The following ACSF2 variants were observed in gnomAD, a reference collection of about 807,000 sequenced individuals.
ACSF2 encodes medium-chain acyl-CoA ligase ACSF2, mitochondrial.
ACSF2 carries 52 observed loss-of-function variants against 79.3 expected under a neutral mutation model. That is an observed-to-expected ratio of 0.66 (90% CI 0.53 to 0.83). ACSF2 has a LOEUF of 0.83. Among genes scored for constraint, ACSF2 ranks in the 40% least tolerant of loss-of-function variants. The pLI is 0.00. For synonymous variants in ACSF2, 283 were observed against 312.6 expected (o/e 0.91, Z 1.00); for missense variants, 661 against 803.3 (o/e 0.82, Z 2.14).
chr17:50,445,733 C>G (rs1219774708), intron 1 of ACSF2, among the ~76,000 whole-genome samples: 1 of 151,228 alleles, frequency 6.6e-6, no homozygotes, highest in African/African-American at 2.4e-5. Flanking sequence ...ATTGGGAGGT[C>G]AAGTCTGCAG....
chr17:50,461,943 T>C (rs1308710246), intron 4 of ACSF2, among the ~76,000 whole-genome samples: 1 of 150,940 alleles, frequency 6.6e-6, no homozygotes, highest in Non-Finnish European at 1.5e-5. Context: ...TGTGTGTGTG[T>C]GTGTGTGTGC....
chr17:50,442,711 T>C (rs1217839279), intron 1 of ACSF2, among the ~76,000 whole-genome samples: 9 of 152,200 alleles, frequency 5.9e-5, no homozygotes, highest in Non-Finnish European at 1.2e-4. Flanking sequence ...GCGATTTTCC[T>C]GCCTTGGCAT....
intron 10 of ACSF2, among the ~76,000 whole-genome samples, chr17:50,466,030 AT>A: frequency 6.8e-6 from 1 of 147,396 alleles, no homozygotes; most frequent in East Asian, 2.0e-4. Flanking sequence ...ATCTCAGATA[AT>A]CCAATCTACA....
intron 11 of ACSF2, 121 bp from the exon 12 acceptor site, chr17:50,472,307 G>C: frequency 8.4e-7 from 1 of 1,187,824 alleles, no homozygotes. Context: ...GAGCCAGGGG[G>C]CCTCATTCCA....
intron 1 of ACSF2, among the ~76,000 whole-genome samples, chr17:50,459,879 G>A (rs1043585259): frequency 1.3e-5 from 2 of 152,180 alleles, no homozygotes; most frequent in Non-Finnish European, 2.9e-5. Flanking sequence ...CCCCAGCTCA[G>A]TACTCTCAGG....
chr17:50,449,160 G>A (rs1200817619), intron 1 of ACSF2, among the ~76,000 whole-genome samples: 1 of 151,564 alleles, frequency 6.6e-6, no homozygotes, highest in Non-Finnish European at 1.5e-5. Flanking sequence ...GGGACTACAG[G>A]CGCCCACCAC....
chr17:50,451,194 T>C (rs1299711548), intron 1 of ACSF2, among the ~76,000 whole-genome samples: 2 of 152,276 alleles, frequency 1.3e-5, no homozygotes, highest in Non-Finnish European at 2.9e-5. Flanking sequence ...CCACCTTGGC[T>C]CAGAGAGTAC....
intron 2 of ACSF2, 108 bp downstream of exon 2, chr17:50,460,980 G>A: frequency 7.5e-7 from 1 of 1,332,668 alleles, no homozygotes; most frequent in South Asian, 1.4e-5. Context: ...AATGTGCTAG[G>A]GCTGCCAGAG....
Position 50,426,359 on chromosome 17 carries a change from A to T in ACSF2, c.98A>T (p.Glu33Val). ...ARAALSRSWQ[E>V]ARLQGVRFLS... ...GCCGCCCTCTCTCGGAGTTGGCAGGAAGCCAGGTTGCAGGGTGTCCGCTTC... is the reference window on the plus strand; with the variant it reads ...GCCGCCCTCTCTCGGAGTTGGCAGGTAGCCAGGTTGCAGGGTGTCCGCTTC... The change falls in exon 1 of 16, where the codon GAA (glutamate) becomes GTA (valine). Residue 33 changes from glutamate to valine, a missense_variant. By Grantham distance (121) the Glu-to-Val change is moderately radical (BLOSUM62 -2). Transcript: ENST00000300441. 7.1e-7 allele frequency: 1 copy of T among 1,418,364 alleles called. No individual in the cohort carries two copies. Among genetic ancestry groups the T allele is most frequent in the Non-Finnish European group, 9.3e-7 (1 of 1,079,012 alleles). 87.9% of individuals were successfully genotyped at this position (1,418,364 alleles called of 1,614,324 possible).
At chr17:50,468,474 G>A in intron 10 of ACSF2, 1 of 1,614,268 alleles carries the variant, frequency 6.2e-7, no homozygotes. Flanking sequence ...CCTGCGCGCA[G>A]CACGCGGATG....
In ACSF2 at chr17:50,474,053, C is replaced by T; in HGVS notation, c.1728+49C>T. 1 of 1,554,216 alleles carries T rather than the reference C, an allele frequency of 6.4e-7. No homozygotes were observed. The highest frequency in any genetic ancestry group is 8.7e-7 in the Non-Finnish European group (1 of 1,147,160). Reference sequence around the variant, plus strand: ...CTGATGCTGCTCTGTTCTTTGCTCACCCACTCCTCTGCCAACCAGCCCAGG... The same window carrying T: ...CTGATGCTGCTCTGTTCTTTGCTCATCCACTCCTCTGCCAACCAGCCCAGG... On this transcript the variant is annotated intron_variant, in intron 14 of 15. Coordinates refer to ENST00000300441, the MANE Select transcript of ACSF2 (RefSeq NM_025149.6). The surrounding 1 kb of genome is among the most constrained non-coding windows in gnomAD (Gnocchi z 4.2).
chr17:50,468,342 T>A (rs754565067), intron 10 of ACSF2: 1 of 1,613,286 alleles, frequency 6.2e-7, no homozygotes, highest in Non-Finnish European at 8.5e-7. Flanking sequence ...TCACGGATCT[T>A]GTTGTTGTTG....
At chr17:50,449,581 T>C (rs2031537173) in intron 1 of ACSF2, among the ~76,000 whole-genome samples, 1 of 150,512 alleles carries the variant, frequency 6.6e-6, no homozygotes, top group African/African-American at 2.5e-5. Context: ...ATTTTTTTTG[T>C]ATTTTTTTTT....
intron 3 of ACSF2, 45 bp downstream of exon 3, chr17:50,461,415 C>G (rs544648974): frequency 6.2e-6 from 10 of 1,612,142 alleles, no homozygotes; most frequent in Non-Finnish European, 7.6e-6. Flanking sequence ...CATGGGGGAA[C>G]ATCACTGAAG....
chr17:50,472,544 G>T lies in ACSF2; in HGVS notation c.1440G>T (p.Glu480Asp). ...LGYWGEPQKT[E>D]EAVDQDKWYW... is the part of the protein sequence containing the mutation. ...ACTGGGGTGAGCCTCAGAAGACAGA[G>T]GAAGCAGTGGATCAGGACAAGTGGT... The change falls in exon 12 of 16, where the codon GAG (glutamate) becomes GAT (aspartate). Residue 480 changes from glutamate (E) to aspartate (D), a missense_variant. Physicochemically the swap from Glu to Asp is conservative, Grantham distance 45. Coordinates refer to ENST00000300441, the MANE Select transcript of ACSF2 (RefSeq NM_025149.6). 6.2e-7 allele frequency: 1 copy of T among 1,611,684 alleles called. No homozygotes were observed.
chr17:50,453,585 C>T (rs1227812672), intron 1 of ACSF2, among the ~76,000 whole-genome samples: 2 of 152,116 alleles, frequency 1.3e-5, no homozygotes, highest in African/African-American at 4.8e-5. Context: ...AAGATGGGGG[C>T]AAGGGAATGG....
At chr17:50,437,719 C>T (rs1475032204) in intron 1 of ACSF2, among the ~76,000 whole-genome samples, 1 of 151,952 alleles carries the variant, frequency 6.6e-6, no homozygotes, top group East Asian at 1.9e-4. Flanking sequence ...GGTCTCCTGC[C>T]CATGCTAGGA....
At position 50,426,448 on chromosome 17, in the gene ACSF2, A is replaced by C. The variant is rs955359489; in HGVS notation, c.128+59A>C. Reference sequence around the variant, plus strand: ...GCAGTTCCCCGGGAGAGGAACTTGGAGGTCCCGGCGAGCTTCGGAAGCCCC... The same window carrying C: ...GCAGTTCCCCGGGAGAGGAACTTGGCGGTCCCGGCGAGCTTCGGAAGCCCC... On this transcript the variant is annotated intron_variant, in intron 1 of 15. Coordinates refer to ENST00000300441, the MANE Select transcript of ACSF2 (RefSeq NM_025149.6). 12 of 1,271,852 alleles carry C rather than the reference A, an allele frequency of 9.4e-6. No homozygotes were observed. The African/African-American group carries it at 1.7e-4, about 18-fold the overall frequency. 78.8% of individuals were successfully genotyped at this position (1,271,852 alleles called of 1,614,324 possible).
chr17:50,464,835 G>A, intron 10 of ACSF2: 1 of 359,080 alleles, frequency 2.8e-6, no homozygotes, highest in Non-Finnish European at 5.5e-6. Context: ...ATGAAGGCTG[G>A]GGAGAGGCTC....
Sources: allele counts gnomAD v4.1 joint callset (sites outside exome capture counted in the v4.1 genomes callset), GRCh38; gene constraint gnomAD v4.1.1; non-coding constraint Gnocchi (gnomAD v3.1); transcripts MANE v1.5; gene names NCBI Gene and HGNC (gene_info 2026-07-23, HGNC 2026-07-21).